CACNG4: variants seen among roughly 807,000 people sequenced by gnomAD.
CACNG4 encodes the protein calcium voltage-gated channel auxiliary subunit gamma 4.
CACNG4 carries 8 observed loss-of-function variants against 22.9 expected under a neutral mutation model. The ratio of observed to expected loss-of-function variants is 0.35; its 90% CI spans 0.21 to 0.63. CACNG4 has a LOEUF of 0.63. CACNG4 is among the 30% of genes least tolerant of loss of function. CACNG4 has a pLI of 0.72. For missense variants in CACNG4, 357 were observed against 455.4 expected (o/e 0.78, Z 1.97); for synonymous variants, 188 against 191.9 (o/e 0.98, Z 0.17).
chr17:66,979,192 G>T (rs535313612), intron 1 of CACNG4, among the ~76,000 whole-genome samples: 78 of 152,208 alleles, frequency 5.1e-4, no homozygotes, highest in African/African-American at 1.8e-3. Context: ...CCCCAGTGCC[G>T]CCTTCTCTTC....
intron 2 of CACNG4, among the ~76,000 whole-genome samples, chr17:67,024,551 C>T (rs979884991): frequency 1.3e-5 from 2 of 152,196 alleles, no homozygotes; most frequent in South Asian, 2.1e-4. Context: ...AAATGTGATG[C>T]GGTTTGTTGC....
In CACNG4 at chr17:67,030,995, C is replaced by G; in HGVS notation, c.975C>G (p.Thr325=). The G allele has an allele frequency of 6.2e-7, 1 of 1,609,512 alleles. No individual in the cohort carries two copies. The highest frequency in any genetic ancestry group is 8.5e-7 in the Non-Finnish European group (1 of 1,176,694). The change falls in exon 4 of 4, where the codon ACC becomes ACG. Residue 325 remains threonine, a synonymous_variant. Coordinates refer to ENST00000262138, the MANE Select transcript of CACNG4 (RefSeq NM_014405.4). The surrounding 1 kb of genome is among the most constrained non-coding windows in gnomAD (Gnocchi z 6.4). ...TCAGCATGCTGAACCGACGGACGAC[C>G]CCTGTGTGAGCCGCCTGCCCTTTCT... The part of the protein sequence containing the change: ...FHVSMLNRRT[T]PV
intron 1 of CACNG4, among the ~76,000 whole-genome samples, chr17:67,009,665 C>T (rs961491540): frequency 3.9e-5 from 6 of 152,118 alleles, no homozygotes; most frequent in South Asian, 2.1e-4. Flanking sequence ...CTGGAGGCTG[C>T]GAAGTCCAAG....
rs1439638413 is a variant in CACNG4 at position 67,027,121 on chromosome 17, G to C, written c.445+2121G>C. 6.6e-6 allele frequency among the ~76,000 whole-genome samples: 1 copy of C among 152,210 alleles called. No individual in the cohort carries two copies. Among genetic ancestry groups the C allele is most frequent in the Non-Finnish European group, 1.5e-5 (1 of 68,046 alleles). ...CCACCATCCCTGCTCCTGCGGAGGA[G>C]GCACACAGGCGGTCCAGCAGCTCAG... is the stretch of plus-strand genomic sequence containing the variant. On this transcript the variant is annotated intron_variant, in intron 3 of 3. Transcript: ENST00000262138. The surrounding 1 kb of genome is among the most constrained non-coding windows in gnomAD (Gnocchi z 4.3).
chr17:66,976,394 T>A (rs1338504256), intron 1 of CACNG4, among the ~76,000 whole-genome samples: 2 of 135,472 alleles, frequency 1.5e-5, no homozygotes, highest in African/African-American at 2.8e-5. Flanking sequence ...TCCCTCCAAC[T>A]TCTTTCCATC....
Position 67,024,938 on chromosome 17 carries a change from G to A in CACNG4, c.383G>A (p.Gly128Asp). 1 of 1,606,902 alleles carries A rather than the reference G, an allele frequency of 6.2e-7. No homozygotes were observed. Among genetic ancestry groups the A allele is most frequent in the Non-Finnish European group, 8.5e-7 (1 of 1,177,886 alleles). Residue 128 changes from glycine (G) to aspartate (D), a missense_variant, in exon 3 of 4, where the codon GGC becomes GAC. Gly to Asp is a moderately conservative substitution (Grantham distance 94). Around this residue, in one of 3 missense-constraint regions of CACNG4, gnomAD observed 240 missense variants for 277.6 expected, o/e 0.86. Coordinates refer to ENST00000262138, the MANE Select transcript of CACNG4 (RefSeq NM_014405.4). ...CTGGGTGGCCTGTGCATCGGTGCTG[G>A]CAGGATCTACAGCCGCAAGAACAAC... ...LLLGGLCIGA[G>D]RIYSRKNNIV...
Position 66,964,867 on chromosome 17 carries a change from C to G in CACNG4, c.-45C>G. 148 of 1,122,566 alleles carry G rather than the reference C, an allele frequency of 1.3e-4. No individual in the cohort carries two copies. Among genetic ancestry groups the G allele is most frequent in the East Asian group, 7.9e-4 (17 of 21,512 alleles). The allele number at this position is 1,122,566 out of a possible 1,614,324, so 69.5% of individuals were successfully genotyped here. ...GCGCGGAGGGAGGAGGGCGGGCGGGCGCGGCGGGCCGGGCCGGCGGGCGGC... is the reference window on the plus strand; with the variant it reads ...GCGCGGAGGGAGGAGGGCGGGCGGGGGCGGCGGGCCGGGCCGGCGGGCGGC... On this transcript the variant is annotated 5_prime_UTR_variant, in exon 1 of 4. Coordinates refer to ENST00000262138, the MANE Select transcript of CACNG4 (RefSeq NM_014405.4).
At chr17:66,979,214 C>T (rs2035256378) in intron 1 of CACNG4, among the ~76,000 whole-genome samples, 2 of 152,222 alleles carry the variant, frequency 1.3e-5, no homozygotes, top group South Asian at 4.1e-4. Context: ...TCTCGTCCCT[C>T]TTTCTCTCCT....
chr17:66,966,430 C>G (rs1016142450), intron 1 of CACNG4, among the ~76,000 whole-genome samples: 1 of 152,184 alleles, frequency 6.6e-6, no homozygotes, highest in African/African-American at 2.4e-5. Flanking sequence ...TTCTCCCACA[C>G]ACCTAGCCTT....
chr17:66,982,447 A>G (rs373873173), intron 1 of CACNG4, among the ~76,000 whole-genome samples: 3 of 152,314 alleles, frequency 2.0e-5, no homozygotes, highest in African/African-American at 7.2e-5. Context: ...GTAGCTAGCC[A>G]CAGAGCGCTG....
At chr17:66,988,880 G>A (rs2035321349) in intron 1 of CACNG4, among the ~76,000 whole-genome samples, 1 of 152,022 alleles carries the variant, frequency 6.6e-6, no homozygotes, top group Non-Finnish European at 1.5e-5. Context: ...CCAACGTGGT[G>A]AAACCCTGTC....
intron 1 of CACNG4, among the ~76,000 whole-genome samples, chr17:67,005,770 G>C (rs1194959569): frequency 2.6e-5 from 4 of 152,182 alleles, no homozygotes; most frequent in Non-Finnish European, 1.5e-5. Context: ...TTCGGACCTT[G>C]TAGTTCCCTG....
chr17:67,007,602 G>A (rs1412485356), intron 1 of CACNG4, among the ~76,000 whole-genome samples: 3 of 152,054 alleles, frequency 2.0e-5, no homozygotes, highest in African/African-American at 4.8e-5. Flanking sequence ...CAGGCTTCTC[G>A]GTGATGTGCT....
intron 3 of CACNG4, among the ~76,000 whole-genome samples, chr17:67,029,804 G>A (rs1221788511): frequency 2.0e-5 from 3 of 152,208 alleles, no homozygotes; most frequent in Non-Finnish European, 2.9e-5. Context: ...GCTACTGTGC[G>A]GTAAATCAAA....
intron 1 of CACNG4, among the ~76,000 whole-genome samples, chr17:66,974,669 G>A (rs954977037): frequency 5.9e-5 from 9 of 152,178 alleles, no homozygotes; most frequent in African/African-American, 2.2e-4. Flanking sequence ...GCTCCTGGGT[G>A]TGAGCCTATG....
intron 1 of CACNG4, among the ~76,000 whole-genome samples, chr17:67,007,248 T>A (rs920494699): frequency 6.6e-6 from 1 of 152,140 alleles, no homozygotes; most frequent in Non-Finnish European, 1.5e-5. Context: ...CTCTAAACTA[T>A]CAAAAAAGTA....
Position 67,031,691 on chromosome 17 carries a change from G to A in CACNG4, c.*687G>A. 2 of 456,762 alleles carry A rather than the reference G, an allele frequency of 4.4e-6. No individual in the cohort carries two copies. The allele number at this position is 456,762 out of a possible 1,614,324, so 28.3% of individuals were successfully genotyped here. On this transcript the variant is annotated 3_prime_UTR_variant, in exon 4 of 4. Coordinates refer to ENST00000262138, the MANE Select transcript of CACNG4 (RefSeq NM_014405.4). This position sits in a 1 kb window ranked among gnomAD's most constrained non-coding sequence, Gnocchi z 4.0. Reference sequence around the variant, plus strand: ...GAGGCCCAGGTAAAGGCTGGGGGCTGTTGCTGGCTATCCTCTTTGCTTCTG... The same window carrying A: ...GAGGCCCAGGTAAAGGCTGGGGGCTATTGCTGGCTATCCTCTTTGCTTCTG...
At chr17:67,014,886 G>A (rs1263070768) in intron 1 of CACNG4, among the ~76,000 whole-genome samples, 2 of 149,790 alleles carry the variant, frequency 1.3e-5, no homozygotes, top group East Asian at 2.0e-4. Flanking sequence ...GCAGTGAGCC[G>A]AGATCGCACC....
chr17:67,025,602 G>C (rs2035559618), intron 3 of CACNG4, among the ~76,000 whole-genome samples: 1 of 152,234 alleles, frequency 6.6e-6, no homozygotes, highest in Non-Finnish European at 1.5e-5. Flanking sequence ...CAACCCTCCT[G>C]GCTACAAGAA....
Sources: allele counts gnomAD v4.1 joint callset (sites outside exome capture counted in the v4.1 genomes callset), GRCh38; gene constraint gnomAD v4.1.1; regional missense constraint gnomAD v4.1.1; non-coding constraint Gnocchi (gnomAD v3.1); transcripts MANE v1.5; gene names NCBI Gene and HGNC (gene_info 2026-07-23, HGNC 2026-07-21).